FRMD6: variants seen among roughly 807,000 people sequenced by gnomAD.
The protein encoded by FRMD6 is FERM domain-containing protein 6.
FRMD6 carries 37 observed loss-of-function variants against 73.2 expected under a neutral mutation model. The ratio of observed to expected loss-of-function variants is 0.51; its 90% CI spans 0.39 to 0.66. The LOEUF (loss-of-function observed/expected upper bound fraction) is 0.66, where lower values mean the gene tolerates loss of function less well. FRMD6 is among the 30% of genes least tolerant of loss of function. The pLI, the probability that FRMD6 is intolerant of heterozygous loss-of-function variation, is 0.00. For missense variants in FRMD6, 714 were observed against 780.5 expected, an observed-to-expected ratio of 0.91 and a Z score of 1.02; for synonymous variants, 273 against 282.2, an observed-to-expected ratio of 0.97 and a Z score of 0.33.
intron 2 of FRMD6, among the ~76,000 whole-genome samples, chr14:51,604,374 G>A (rs1890160801): frequency 6.6e-6 from 1 of 152,086 alleles, no homozygotes; most frequent in Non-Finnish European, 1.5e-5. Context: ...CACTTGGAAT[G>A]CTACTTACTT....
intron 1 of FRMD6, among the ~76,000 whole-genome samples, chr14:51,539,438 A>T (rs1353429397): frequency 6.6e-6 from 1 of 152,170 alleles, no homozygotes; most frequent in Admixed American, 6.5e-5. Context: ...ATTTTTCAAC[A>T]TCTACATAGT....
intron 1 of FRMD6, among the ~76,000 whole-genome samples, chr14:51,500,801 G>T (rs552340645): frequency 1.3e-5 from 2 of 152,254 alleles, no homozygotes; most frequent in African/African-American, 4.8e-5. Context: ...TAATGGGTGT[G>T]AGTCACATGT....
At chr14:51,632,889 C>G (rs10484081) in intron 2 of FRMD6, among the ~76,000 whole-genome samples, 35,459 of 152,018 alleles carry the variant, frequency 0.23, 4,497 homozygotes, top group East Asian at 0.3. Flanking sequence ...ACCTGAATTC[C>G]AACAAGCCAA....
chr14:51,702,742 C>T (rs1048008008), intron 5 of FRMD6, among the ~76,000 whole-genome samples, 154 bp downstream of exon 5: 20 of 151,790 alleles, frequency 1.3e-4, no homozygotes, highest in Non-Finnish European at 1.8e-4. Flanking sequence ...ATATTTTGTA[C>T]GCTGGTATAT....
At chr14:51,676,245 TA>T (rs1173710922) in intron 1 of FRMD6, among the ~76,000 whole-genome samples, 1 of 152,186 alleles carries the variant, frequency 6.6e-6, no homozygotes, top group East Asian at 1.9e-4. Flanking sequence ...AAGTCATCTC[TA>T]AAATCTGATA....
chr14:51,492,815 A>T (rs572432094), intron 1 of FRMD6, among the ~76,000 whole-genome samples: 4 of 152,214 alleles, frequency 2.6e-5, no homozygotes, highest in Non-Finnish European at 5.9e-5. Flanking sequence ...ACAGTTGAAG[A>T]CATTAAGGTT....
At chr14:51,707,281 A>G (rs1017782169) in intron 6 of FRMD6, among the ~76,000 whole-genome samples, 4 of 152,290 alleles carry the variant, frequency 2.6e-5, no homozygotes, top group East Asian at 1.9e-4. Flanking sequence ...CAAAATGTCA[A>G]TATAAAGACA....
chr14:51,457,697 G>A, the FRMD6 span, among the ~76,000 whole-genome samples: 1 of 152,302 alleles, frequency 6.6e-6, no homozygotes, highest in South Asian at 2.1e-4. Flanking sequence ...CTGTAATTGG[G>A]TGAAGGGTCT....
chr14:51,718,730 C>A (rs962060309), intron 10 of FRMD6, among the ~76,000 whole-genome samples: 2 of 152,208 alleles, frequency 1.3e-5, no homozygotes, highest in Non-Finnish European at 2.9e-5. Context: ...GCAACACATA[C>A]TCACCTTTGT....
At chr14:51,605,211 A>G (rs1157326642) in intron 2 of FRMD6, among the ~76,000 whole-genome samples, 2 of 135,484 alleles carry the variant, frequency 1.5e-5, no homozygotes, top group African/African-American at 5.4e-5. Flanking sequence ...GGGTCATAGG[A>G]CAATAGTGGA....
the FRMD6 span, among the ~76,000 whole-genome samples, chr14:51,472,342 C>T: frequency 3.9e-5 from 6 of 152,162 alleles, no homozygotes; most frequent in South Asian, 2.1e-4. Flanking sequence ...CTCTCTCTGT[C>T]GCCCAGGCTG....
the FRMD6 span, among the ~76,000 whole-genome samples, chr14:51,455,411 A>C: frequency 3.3e-5 from 5 of 152,302 alleles, no homozygotes; most frequent in South Asian, 2.1e-4. Context: ...CATTGTGGTG[A>C]TATCTTGAGC....
chr14:51,414,708 T>C, the FRMD6 span, among the ~76,000 whole-genome samples: 3 of 152,244 alleles, frequency 2.0e-5, no homozygotes, highest in Admixed American at 6.5e-5. Flanking sequence ...ATTGGTAGTT[T>C]GATGGGGGTG....
At chr14:51,422,177 C>T in the FRMD6 span, among the ~76,000 whole-genome samples, 2 of 152,098 alleles carry the variant, frequency 1.3e-5, no homozygotes, top group Admixed American at 6.6e-5. Context: ...AAATTGTTCC[C>T]TGAATTAATT....
At chr14:51,723,221 A>T (rs1420975323) in intron 12 of FRMD6, among the ~76,000 whole-genome samples, 1 of 152,194 alleles carries the variant, frequency 6.6e-6, no homozygotes, top group Non-Finnish European at 1.5e-5. Flanking sequence ...ATTCACAATT[A>T]TATGCACATT....
chr14:51,451,623 T>C, the FRMD6 span, among the ~76,000 whole-genome samples: 1 of 152,188 alleles, frequency 6.6e-6, no homozygotes, highest in Non-Finnish European at 1.5e-5. Flanking sequence ...TCAAGTGATC[T>C]GCCCACCTCA....
the FRMD6 span, among the ~76,000 whole-genome samples, chr14:51,456,259 A>G: frequency 6.6e-6 from 1 of 152,124 alleles, no homozygotes; most frequent in African/African-American, 2.4e-5. Context: ...TTATCAACCC[A>G]TCACCTACAT....
In FRMD6 at chr14:51,615,943, C is replaced by G. The variant is rs113172008; in HGVS notation, c.-147+45533C>G. On this transcript the variant is annotated intron_variant, in intron 2 of 14. Transcript: ENST00000356218. ...TAGAGGTGATGAGTTCCAAAGATAC[C>G]TTTCTAAAGATGCAGGAGACTTAAG... 2.1e-3 allele frequency among the ~76,000 whole-genome samples: 323 copies of G among 152,240 alleles called. 1 individual carries two copies. The highest frequency in any genetic ancestry group is 7.4e-3 in the African/African-American group (309 of 41,538).
intron 2 of FRMD6, among the ~76,000 whole-genome samples, chr14:51,638,788 G>C (rs544493633): frequency 6.6e-6 from 1 of 152,256 alleles, no homozygotes; most frequent in South Asian, 2.1e-4. Context: ...TGTTGGAATG[G>C]AAGAGGTGTC....
Sources: gnomAD v4.1 joint callset for allele counts (sites outside exome capture counted in the v4.1 genomes callset) on GRCh38, gnomAD v4.1.1 for gene constraint, MANE v1.5 for transcripts, NCBI Gene and HGNC (gene_info 2026-07-23, HGNC 2026-07-21) for gene names.